M1AP: variants seen among roughly 807,000 people sequenced by gnomAD.
The protein encoded by M1AP is meiosis 1 arrest protein.
A neutral mutation model predicts 51.2 loss-of-function variants in M1AP; 39 were observed. The ratio of observed to expected loss-of-function variants is 0.76; its 90% CI spans 0.59 to 1.00. The LOEUF (loss-of-function observed/expected upper bound fraction) is 1.00. Among genes scored for constraint, M1AP ranks in the 50% least tolerant of loss-of-function variants. The pLI, the probability that M1AP is intolerant of heterozygous loss-of-function variation, is 0.00. For synonymous variants in M1AP, 251 were observed against 249.2 expected (o/e 1.01, Z -0.07); for missense variants, 545 against 641.2 (o/e 0.85, Z 1.62).
rs186462894 is a variant in M1AP, at chr2:74,615,101, G to A, written c.289C>T (p.Arg97Cys). 15 of 1,614,154 alleles carry A rather than the reference G, an allele frequency of 9.3e-6. No homozygotes were observed. The Admixed American group carries it at 1.0e-4, about 11-fold the overall frequency. The stretch of plus-strand genomic sequence containing the variant: ...AAACACCCTTCTCTCTGTAACATGC[G>A]GAGTTCTGAGATGCAGGTCTGCAAC... ...ARLQTCISEL[R>C]MLQREGCFRS... is the part of the protein sequence containing the mutation. The change falls in exon 3 of 11, where the codon CGC becomes TGC. Residue 97 changes from arginine to cysteine, a missense_variant. Arg to Cys is a radical substitution (Grantham distance 180, BLOSUM62 -3). Transcript: ENST00000421985.
At chr2:74,599,618 T>C (rs1426259163) in intron 4 of M1AP, among the ~76,000 whole-genome samples, 3 of 152,174 alleles carry the variant, frequency 2.0e-5, no homozygotes, top group Admixed American at 2.0e-4. Context: ...ATTTGTCTAT[T>C]CCTATGTAAA....
chr2:74,575,807 G>A (rs2104565693), intron 6 of M1AP, among the ~76,000 whole-genome samples: 1 of 152,384 alleles, frequency 6.6e-6, no homozygotes, highest in East Asian at 1.9e-4. Context: ...ACTGGGAAGA[G>A]TTGAAGCAGA....
At chr2:74,636,650 C>T (rs968513624) in intron 2 of M1AP, among the ~76,000 whole-genome samples, 1 of 152,054 alleles carries the variant, frequency 6.6e-6, no homozygotes, top group Non-Finnish European at 1.5e-5. Context: ...CTCTAATTAT[C>T]ACATTGTACA....
chr2:74,624,043 A>AT (rs1288795662), intron 2 of M1AP, among the ~76,000 whole-genome samples: 1 of 152,206 alleles, frequency 6.6e-6, no homozygotes, highest in African/African-American at 2.4e-5. Context: ...TTTATGTAAA[A>AT]TTTAAGTCTT....
chr2:74,592,377 T>A (rs957302535), intron 4 of M1AP, among the ~76,000 whole-genome samples: 51 of 152,342 alleles, frequency 3.3e-4, no homozygotes, highest in African/African-American at 1.1e-3. Flanking sequence ...GTCTTAATTA[T>A]CATTTCTCTA....
At position 74,645,505 on chromosome 2, in the gene M1AP, G is replaced by A. The variant is rs563255766; in HGVS notation, c.-53+2760C>T. Among the ~76,000 whole-genome samples, 7 of 152,290 alleles carry A rather than the reference G, an allele frequency of 4.6e-5. No individual in the cohort carries two copies. In the South Asian group the frequency reaches 1.5e-3, roughly 32 times the overall value. ...TTGAGGACTAGCTTAAACAGGGCGA[G>A]GGTGGAAGCAGCTTTCCATAAGACA... On this transcript the variant is annotated intron_variant, in intron 1 of 10. Coordinates refer to ENST00000421985, the MANE Select transcript of M1AP (RefSeq NM_001321739.2).
rs536762267 is a variant in M1AP, at chr2:74,597,623, G to T, written c.595+9432C>A. Among the ~76,000 whole-genome samples the T allele has an allele frequency of 3.9e-5, 6 of 152,338 alleles. No individual in the cohort carries two copies. The South Asian group carries it at 1.2e-3, about 32-fold the overall frequency. On this transcript the variant is annotated intron_variant, in intron 4 of 10. Transcript: ENST00000421985. Reference sequence around the variant, plus strand: ...GAGCTTGACATTGATCCCTGGCAAAGTCTAGGAGGAAATATTAAACAGATG... The same window carrying T: ...GAGCTTGACATTGATCCCTGGCAAATTCTAGGAGGAAATATTAAACAGATG...
intron 2 of M1AP, among the ~76,000 whole-genome samples, chr2:74,624,262 A>G (rs1682248285): frequency 6.6e-6 from 1 of 152,220 alleles, no homozygotes; most frequent in East Asian, 1.9e-4. Flanking sequence ...GAAATAAGGG[A>G]TAAAAAATTG....
At position 74,558,613 on chromosome 2, in the gene M1AP, G is replaced by T; in HGVS notation, c.*103C>A. 1 of 1,383,252 alleles carries T rather than the reference G, an allele frequency of 7.2e-7. No individual in the cohort carries two copies. The allele number at this position is 1,383,252 out of a possible 1,614,324, so 85.7% of individuals were successfully genotyped here. A position where few individuals can be genotyped will look rare whatever the true frequency, so the allele number is the denominator to read the frequency against. ...GTTTCCCAGTCAGCCCTCACTCACA[G>T]AGGCTCAGGCGGATAGAGAGCAAGT... On this transcript the variant is annotated 3_prime_UTR_variant, in exon 11 of 11. Coordinates refer to ENST00000421985, the MANE Select transcript of M1AP (RefSeq NM_001321739.2).
At chr2:74,570,141 G>T (rs1678642265) in intron 7 of M1AP, among the ~76,000 whole-genome samples, 1 of 152,114 alleles carries the variant, frequency 6.6e-6, no homozygotes, top group South Asian at 2.1e-4. Flanking sequence ...CATTAAATTT[G>T]TTAGGGTTAC....
At chr2:74,593,821 T>C (rs189418494) in intron 4 of M1AP, among the ~76,000 whole-genome samples, 2 of 152,090 alleles carry the variant, frequency 1.3e-5, no homozygotes, top group Admixed American at 1.3e-4. Flanking sequence ...TTTCTAAGAG[T>C]GGCTGCAGTC....
chr2:74,586,304 C>A (rs1369354323), intron 4 of M1AP, among the ~76,000 whole-genome samples: 1 of 152,200 alleles, frequency 6.6e-6, no homozygotes, highest in Non-Finnish European at 1.5e-5. Flanking sequence ...TCACTTTTAT[C>A]CTCCCTATCA....
intron 2 of M1AP, among the ~76,000 whole-genome samples, chr2:74,633,008 T>C (rs1341871934): frequency 6.6e-6 from 1 of 152,154 alleles, no homozygotes; most frequent in Non-Finnish European, 1.5e-5. Context: ...TATTTGCCCT[T>C]CCAGATCACT....
At chr2:74,559,114 T>C (rs1343665492) in intron 10 of M1AP, among the ~76,000 whole-genome samples, 1 of 152,184 alleles carries the variant, frequency 6.6e-6, no homozygotes, top group Non-Finnish European at 1.5e-5. Flanking sequence ...CCTCTGCTCC[T>C]ACCTCTGGTT....
chr2:74,580,396 G>C (rs939755545), intron 5 of M1AP, among the ~76,000 whole-genome samples: 6 of 152,164 alleles, frequency 3.9e-5, no homozygotes, highest in Non-Finnish European at 8.8e-5. Flanking sequence ...GACAAAAGAG[G>C]TGGAAAGGAG....
At chr2:74,618,814 G>A (rs1681836396) in intron 2 of M1AP, 5 of 342,956 alleles carry the variant, frequency 1.5e-5, no homozygotes, top group South Asian at 4.8e-5. Flanking sequence ...CTCGTGTGCT[G>A]AGCCTCCCAA....
intron 2 of M1AP, among the ~76,000 whole-genome samples, chr2:74,621,576 G>C (rs548557699): frequency 5.1e-4 from 77 of 151,464 alleles, no homozygotes; most frequent in African/African-American, 1.7e-3. Flanking sequence ...ATGAGGTCAG[G>C]AGATCGAGAC....
chr2:74,605,558 T>C (rs1680924298), intron 4 of M1AP, among the ~76,000 whole-genome samples: 1 of 152,164 alleles, frequency 6.6e-6, no homozygotes, highest in African/African-American at 2.4e-5. Context: ...TATAATGTTG[T>C]ATAGCAGATA....
chr2:74,577,461 T>A (rs1404399888), intron 5 of M1AP, among the ~76,000 whole-genome samples: 1 of 152,190 alleles, frequency 6.6e-6, no homozygotes, highest in Non-Finnish European at 1.5e-5. Context: ...GATAACAAAC[T>A]TGTGAATATA....
Sources: allele counts gnomAD v4.1 joint callset (sites outside exome capture counted in the v4.1 genomes callset), GRCh38; gene constraint gnomAD v4.1.1; transcripts MANE v1.5; gene names NCBI Gene and HGNC (gene_info 2026-07-23, HGNC 2026-07-21).